ARHGAP15: variants seen among roughly 807,000 people sequenced by gnomAD.
The protein encoded by ARHGAP15 is rho GTPase-activating protein 15.
In ARHGAP15, 51 loss-of-function variants were observed where a neutral mutation model predicts 63.7. That is an observed-to-expected ratio of 0.80 (90% CI 0.64 to 1.01). ARHGAP15 has a LOEUF of 1.01. Ranked by LOEUF, ARHGAP15 falls within the 50% of genes least tolerant of loss-of-function variation. ARHGAP15 has a pLI of 0.00. For synonymous variants in ARHGAP15, 191 were observed against 193.8 expected (o/e 0.99, Z 0.12); for missense variants, 560 against 564.6 (o/e 0.99, Z 0.08).
intron 12 of ARHGAP15, among the ~76,000 whole-genome samples, chr2:143,701,886 A>G (rs1323322131): frequency 2.0e-5 from 3 of 152,152 alleles, no homozygotes; most frequent in African/African-American, 7.2e-5. Flanking sequence ...ATTCAAAGAA[A>G]CAGAAAGGAG....
At chr2:143,666,825 A>G (rs906047637) in intron 12 of ARHGAP15, among the ~76,000 whole-genome samples, 2 of 149,558 alleles carry the variant, frequency 1.3e-5, no homozygotes, top group African/African-American at 5.1e-5. Context: ...AAAAATGCTC[A>G]TCATCACTGG....
At chr2:143,286,260 T>C (rs913750978) in intron 6 of ARHGAP15, among the ~76,000 whole-genome samples, 2 of 152,114 alleles carry the variant, frequency 1.3e-5, no homozygotes, top group African/African-American at 4.8e-5. Context: ...CAGAAATAAA[T>C]GGTAGGACTG....
intron 2 of ARHGAP15, among the ~76,000 whole-genome samples, chr2:143,187,367 C>A (rs1041229755): frequency 2.0e-5 from 3 of 152,178 alleles, no homozygotes; most frequent in Non-Finnish European, 1.5e-5. Context: ...GGGAGTGAGT[C>A]TTCAATCTGA....
intron 13 of ARHGAP15, among the ~76,000 whole-genome samples, chr2:143,758,187 G>A (rs1430206703): frequency 2.0e-5 from 3 of 151,796 alleles, no homozygotes; most frequent in African/African-American, 7.3e-5. Context: ...GTGATATATA[G>A]TTAAGGGGGG....
intron 13 of ARHGAP15, among the ~76,000 whole-genome samples, chr2:143,743,347 G>A (rs1346502811): frequency 6.6e-6 from 1 of 152,166 alleles, no homozygotes; most frequent in East Asian, 1.9e-4. Flanking sequence ...TCCTTTAGAA[G>A]GGGGCTTCCC....
Position 143,679,458 on chromosome 2 carries a change from A to G in ARHGAP15, c.1139-23961A>G. Among the ~76,000 whole-genome samples the G allele has an allele frequency of 1.3e-5, 2 of 152,184 alleles. 1 individual carries two copies. The highest frequency in any genetic ancestry group is 2.9e-5 in the Non-Finnish European group (2 of 68,026). ...AGCTCTGTTGATTTGTGTGTTTTATAAAACAAGACATTTGAATAATATAGA... is the reference window on the plus strand; with the variant it reads ...AGCTCTGTTGATTTGTGTGTTTTATGAAACAAGACATTTGAATAATATAGA... On this transcript the variant is annotated intron_variant, in intron 12 of 13. Transcript: ENST00000295095.
intron 5 of ARHGAP15, chr2:143,237,005 A>C (rs1197467330): frequency 1.3e-5 from 2 of 152,162 alleles, no homozygotes; most frequent in Non-Finnish European, 2.9e-5. Context: ...TTTGGTTAGA[A>C]AGTCAGTGTG....
intron 11 of ARHGAP15, among the ~76,000 whole-genome samples, chr2:143,586,458 T>C (rs1256596165): frequency 6.6e-6 from 1 of 152,086 alleles, no homozygotes; most frequent in African/African-American, 2.4e-5. Context: ...CATAGACATA[T>C]TTTATGTCTT....
At chr2:143,721,953 A>G (rs1685079500) in intron 13 of ARHGAP15, among the ~76,000 whole-genome samples, 1 of 151,742 alleles carries the variant, frequency 6.6e-6, no homozygotes, top group Non-Finnish European at 1.5e-5. Context: ...TCGGCCTCCC[A>G]AAGTGCTGGG....
At chr2:143,594,308 G>A (rs756411496) in intron 11 of ARHGAP15, among the ~76,000 whole-genome samples, 4 of 152,162 alleles carry the variant, frequency 2.6e-5, no homozygotes, top group Admixed American at 1.3e-4. Flanking sequence ...CACGTCAGGT[G>A]CAATGGGGAC....
chr2:143,274,133 C>G (rs994655125), intron 6 of ARHGAP15, among the ~76,000 whole-genome samples: 14 of 152,076 alleles, frequency 9.2e-5, no homozygotes, highest in Non-Finnish European at 2.1e-4. Flanking sequence ...TCATTAAGTA[C>G]TCTGTTGTAT....
At position 143,301,674 on chromosome 2, in the gene ARHGAP15, G is replaced by C. The variant is rs191650965; in HGVS notation, c.474+51074G>C. On this transcript the variant is annotated intron_variant, in intron 6 of 13. Transcript: ENST00000295095. ...AAGAGTTTAATATTTCAGTGAATGT[G>C]TGGATTAAATATGTATACAAAATTT... Among the ~76,000 whole-genome samples, 139 of 151,906 alleles carry C rather than the reference G, an allele frequency of 9.2e-4. 2 individuals are homozygous for C. The highest frequency in any genetic ancestry group is 4.6e-3 in the South Asian group (22 of 4,822).
chr2:143,343,233 T>C (rs1685138157), intron 6 of ARHGAP15, among the ~76,000 whole-genome samples: 2 of 151,980 alleles, frequency 1.3e-5, no homozygotes, highest in African/African-American at 4.8e-5. Flanking sequence ...GAGCTCACCA[T>C]GTGGACAAGG....
At chr2:143,758,271 A>T (rs964725576) in intron 13 of ARHGAP15, among the ~76,000 whole-genome samples, 1 of 151,310 alleles carries the variant, frequency 6.6e-6, no homozygotes, top group Admixed American at 6.6e-5. Flanking sequence ...TTTATATACA[A>T]GTGTGTGTGT....
chr2:143,311,592 AT>A (rs766985737), intron 6 of ARHGAP15, among the ~76,000 whole-genome samples: 9 of 152,124 alleles, frequency 5.9e-5, no homozygotes, highest in Non-Finnish European at 1.2e-4. Flanking sequence ...CCAAACAGCA[AT>A]ATGGGAGAGT....
At chr2:143,138,129 G>A (rs1689218755) in intron 1 of ARHGAP15, among the ~76,000 whole-genome samples, 2 of 152,050 alleles carry the variant, frequency 1.3e-5, no homozygotes, top group African/African-American at 4.8e-5. Context: ...AATTATTAGA[G>A]TGAGATTCTT....
chr2:143,629,085 T>C (rs1698959176), intron 12 of ARHGAP15, among the ~76,000 whole-genome samples: 1 of 152,060 alleles, frequency 6.6e-6, no homozygotes, highest in African/African-American at 2.4e-5. Flanking sequence ...ACTGGAGCGG[T>C]CTGAATTACT....
intron 6 of ARHGAP15, among the ~76,000 whole-genome samples, chr2:143,256,111 C>T (rs1680412166): frequency 6.6e-6 from 1 of 152,140 alleles, no homozygotes; most frequent in African/African-American, 2.4e-5. Flanking sequence ...CTCACCTCAC[C>T]TGCCCATCTG....
intron 13 of ARHGAP15, among the ~76,000 whole-genome samples, chr2:143,736,542 T>C (rs1685753595): frequency 6.6e-6 from 1 of 152,200 alleles, no homozygotes; most frequent in African/African-American, 2.4e-5. Context: ...TGTATAGTTA[T>C]AGACAAAGTG....
Sources: allele counts gnomAD v4.1 joint callset (sites outside exome capture counted in the v4.1 genomes callset), GRCh38; gene constraint gnomAD v4.1.1; transcripts MANE v1.5; gene names NCBI Gene and HGNC (gene_info 2026-07-23, HGNC 2026-07-21).